JADE2: variants seen among roughly 807,000 people sequenced by gnomAD.
The protein encoded by JADE2 is E3 ubiquitin-protein ligase Jade-2.
In JADE2, 13 loss-of-function variants were observed where a neutral mutation model predicts 85.7. The ratio of observed to expected loss-of-function variants is 0.15; its 90% CI spans 0.10 to 0.24. The LOEUF (loss-of-function observed/expected upper bound fraction) is 0.24, where lower values mean the gene tolerates loss of function less well. Ranked by LOEUF, JADE2 falls within the 10% of genes least tolerant of loss-of-function variation. The pLI is 1.00. For synonymous variants in JADE2, 440 were observed against 456.1 expected (o/e 0.96, Z 0.45); for missense variants, 846 against 1,115.9 (o/e 0.76, Z 3.45).
Position 134,538,008 on chromosome 5 carries a change from C to T in JADE2, c.78C>T (p.Ser26=), listed in dbSNP as rs1485088635. 8.1e-6 allele frequency: 13 copies of T among 1,613,952 alleles called. No homozygotes were observed. Among genetic ancestry groups the T allele is most frequent in the East Asian group, 6.7e-5 (3 of 44,896 alleles). The change falls in exon 3 of 12, where the codon TCC becomes TCT. Residue 26 remains serine (S), a synonymous_variant. Coordinates refer to ENST00000681547, the MANE Select transcript of JADE2 (RefSeq NM_001388185.1). ...CTGCAGGTCATGCGACATCTACATC[C>T]GCATCAAGATGCTCCAAACTGCCCA... ...DTTDSHATST[S]ASRCSKLPSS...
intron 5 of JADE2, 73 bp from the exon 6 acceptor site, chr5:134,560,673 G>A: frequency 1.5e-6 from 2 of 1,335,120 alleles, no homozygotes; most frequent in Non-Finnish European, 2.1e-6. Context: ...GCAACTCCAG[G>A]AGCCAAGTCC....
chr5:134,564,376 C>T (rs1261930152), intron 7 of JADE2, 118 bp from the exon 8 acceptor site: 2 of 601,452 alleles, frequency 3.3e-6, no homozygotes, highest in Non-Finnish European at 5.8e-6. Context: ...GATTCAGGGG[C>T]TCAGCCACTG....
At chr5:134,544,974 G>A (rs935198353) in intron 3 of JADE2, among the ~76,000 whole-genome samples, 1 of 152,238 alleles carries the variant, frequency 6.6e-6, no homozygotes, top group Non-Finnish European at 1.5e-5. Context: ...CTTCTGAGGA[G>A]CAGAGGTGTT....
intron 3 of JADE2, among the ~76,000 whole-genome samples, chr5:134,541,697 G>A (rs1761969843): frequency 6.6e-6 from 1 of 152,144 alleles, no homozygotes; most frequent in Non-Finnish European, 1.5e-5. Context: ...ATCTCTAAAT[G>A]TGGGCAATGA....
At chr5:134,539,446 G>T (rs999053203) in intron 3 of JADE2, among the ~76,000 whole-genome samples, 36 of 152,230 alleles carry the variant, frequency 2.4e-4, no homozygotes, top group Non-Finnish European at 3.8e-4. Context: ...TGATCCACCT[G>T]CCTCGGCCTC....
intron 9 of JADE2, among the ~76,000 whole-genome samples, chr5:134,573,275 G>A (rs1764151995): frequency 6.6e-6 from 1 of 152,212 alleles, no homozygotes; most frequent in South Asian, 2.1e-4. Flanking sequence ...GGTTATAAAG[G>A]ACAGCAACCA....
intron 1 of JADE2, among the ~76,000 whole-genome samples, chr5:134,532,565 C>G (rs1289252156): frequency 6.6e-6 from 1 of 152,176 alleles, no homozygotes; most frequent in African/African-American, 2.4e-5. Context: ...TTCGGGAGCA[C>G]TTTCTGTCCT....
upstream of JADE2, among the ~76,000 whole-genome samples, chr5:134,524,964 C>A (rs1760712434): frequency 6.6e-6 from 1 of 152,186 alleles, no homozygotes; most frequent in African/African-American, 2.4e-5. Context: ...ACCAGCGATT[C>A]AGAAGCAGGG....
chr5:134,572,566 G>A (rs1764101855), intron 9 of JADE2, among the ~76,000 whole-genome samples: 1 of 152,238 alleles, frequency 6.6e-6, no homozygotes, highest in Non-Finnish European at 1.5e-5. Context: ...GAAACAGCCT[G>A]GTCCCAGCTG....
At chr5:134,573,788 G>A (rs770447834) in intron 10 of JADE2, 26 bp downstream of exon 10, 3 of 1,301,278 alleles carry the variant, frequency 2.3e-6, no homozygotes, top group Non-Finnish European at 3.4e-6. Flanking sequence ...ACCTGCCGCC[G>A]CCACCTCCCT....
chr5:134,540,724 A>G (rs1761917188), intron 3 of JADE2, among the ~76,000 whole-genome samples: 1 of 152,100 alleles, frequency 6.6e-6, no homozygotes, highest in African/African-American at 2.4e-5. Flanking sequence ...TTGAAGTGGG[A>G]TGGGGAGTTT....
At chr5:134,572,606 G>T (rs1001601126) in intron 9 of JADE2, among the ~76,000 whole-genome samples, 8 of 152,246 alleles carry the variant, frequency 5.3e-5, no homozygotes, top group African/African-American at 1.7e-4. Context: ...CAGGATTCAA[G>T]CTGAGCAGCT....
chr5:134,543,618 A>G (rs1049892611), intron 3 of JADE2, among the ~76,000 whole-genome samples: 3 of 152,180 alleles, frequency 2.0e-5, no homozygotes, highest in Admixed American at 1.3e-4. Flanking sequence ...CGGAGGTTGC[A>G]GTGAGCCGAG....
chr5:134,534,866 TC>T (rs374366925), intron 1 of JADE2, among the ~76,000 whole-genome samples: 1 of 152,142 alleles, frequency 6.6e-6, no homozygotes, highest in Non-Finnish European at 1.5e-5. Context: ...CCTGCTGTGC[TC>T]CCCTCCAAGG....
chr5:134,571,122 TC>T (rs913541958), intron 9 of JADE2, among the ~76,000 whole-genome samples: 26 of 152,226 alleles, frequency 1.7e-4, no homozygotes, highest in Non-Finnish European at 2.8e-4. Context: ...TCTTTGCTGT[TC>T]CTTGGCCTGC....
chr5:134,564,488 GC>G lies in JADE2; in HGVS notation c.853-3del. 1.3e-6 allele frequency: 2 copies of G among 1,580,488 alleles called. No homozygotes were observed. Among genetic ancestry groups the G allele is most frequent in the Non-Finnish European group, 1.7e-6 (2 of 1,161,868 alleles). On this transcript the variant is annotated splice_polypyrimidine_tract_variant and splice_region_variant and intron_variant, in intron 7 of 11. Coordinates refer to ENST00000681547, the MANE Select transcript of JADE2 (RefSeq NM_001388185.1). ...GGAATGATGCAGCCCCCTGTGTCCT[GC>G]CCAGGTCAGCATCGGCTGCCCAGAG...
At chr5:134,577,888 C>T (rs761438875) in intron 11 of JADE2, among the ~76,000 whole-genome samples, 52 of 152,114 alleles carry the variant, frequency 3.4e-4, no homozygotes, top group Admixed American at 3.0e-3. Context: ...CTTGCTACCC[C>T]TATTCGTACC....
chr5:134,579,029 G>T lies in JADE2; in HGVS notation c.2217G>T (p.Val739=). 1 of 1,613,948 alleles carries T rather than the reference G, an allele frequency of 6.2e-7. No individual in the cohort carries two copies. The highest frequency in any genetic ancestry group is 8.5e-7 in the Non-Finnish European group (1 of 1,180,024). The change falls in exon 12 of 12, where the codon GTG becomes GTT. Residue 739 remains valine (V), a synonymous_variant. Transcript: ENST00000681547. This position sits in a 1 kb window ranked among gnomAD's most constrained non-coding sequence, Gnocchi z 4.6. Reference sequence around the variant, plus strand: ...TAGCTGCTGACTCAGATGTCCAAGTGCCTGGCCCTGCAGCAAGCCCTAAGC... The same window carrying T: ...TAGCTGCTGACTCAGATGTCCAAGTTCCTGGCCCTGCAGCAAGCCCTAAGC... The part of the protein sequence containing the change: ...ASVAADSDVQ[V]PGPAASPKPL...
At chr5:134,559,442 C>T (rs978944681) in intron 4 of JADE2, among the ~76,000 whole-genome samples, 1 of 152,240 alleles carries the variant, frequency 6.6e-6, no homozygotes, top group Admixed American at 6.5e-5. Context: ...ATACCTCTTA[C>T]AGGCCCTAGC....
Sources: allele counts gnomAD v4.1 joint callset (sites outside exome capture counted in the v4.1 genomes callset), GRCh38; gene constraint gnomAD v4.1.1; non-coding constraint Gnocchi (gnomAD v3.1); transcripts MANE v1.5; gene names NCBI Gene and HGNC (gene_info 2026-07-23, HGNC 2026-07-21).